Variants in SPG11 observed in about 807,000 individuals in gnomAD.
SPG11 encodes SPG11 vesicle trafficking associated, spatacsin.
Under a neutral mutation model 274.0 loss-of-function variants are expected in SPG11, and 222 were observed. That is an observed-to-expected ratio of 0.81 (90% CI 0.73 to 0.91). The LOEUF (loss-of-function observed/expected upper bound fraction) is 0.91. Ranked by LOEUF, SPG11 falls within the 40% of genes least tolerant of loss-of-function variation. The pLI, the probability that SPG11 is intolerant of heterozygous loss-of-function variation, is 0.00. For missense variants in SPG11, 3,114 were observed against 2,872.7 expected (o/e 1.08, Z -1.92); for synonymous variants, 1,144 against 1,039.7 (o/e 1.10, Z -1.93).
chr15:44,600,889 C>G (rs1360100455), intron 20 of SPG11, among the ~76,000 whole-genome samples: 1 of 152,190 alleles, frequency 6.6e-6, no homozygotes, highest in Non-Finnish European at 1.5e-5. Context: ...TACGGTGGCT[C>G]ACGCCTGTAA....
In SPG11 at chr15:44,618,336, G is replaced by A. The variant is rs548864789; in HGVS notation, c.2834+1854C>T. Among the ~76,000 whole-genome samples the A allele has an allele frequency of 4.6e-3, 644 of 139,926 alleles. 4 individuals carry two copies. The highest frequency in any genetic ancestry group is 0.016 in the African/African-American group (618 of 37,592). 91.8% of individuals were successfully genotyped at this position (139,926 alleles called of 152,430 possible). A position where few individuals can be genotyped will look rare whatever the true frequency, so the allele number is the denominator to read the frequency against. On this transcript the variant is annotated intron_variant, in intron 15 of 39. Transcript: ENST00000261866. ...AATCTGGCTAACATGGTGAAACCTCGTCTCTACTAAAAATACAAAAGAAAA... is the reference window on the plus strand; with the variant it reads ...AATCTGGCTAACATGGTGAAACCTCATCTCTACTAAAAATACAAAAGAAAA...
Position 44,606,098 on chromosome 15 carries a change from A to C in SPG11, c.3454-7T>G. ...GATCAAAGGGTGATAATGACTGAAAAAGGGGAAAAGTTAAACAGAATTAGA... is the reference window on the plus strand; with the variant it reads ...GATCAAAGGGTGATAATGACTGAAACAGGGGAAAAGTTAAACAGAATTAGA... On this transcript the variant is annotated splice_polypyrimidine_tract_variant and splice_region_variant and intron_variant, in intron 19 of 39. Transcript: ENST00000261866. The C allele has an allele frequency of 1.2e-6, 2 of 1,613,364 alleles. No individual in the cohort carries two copies. The highest frequency in any genetic ancestry group is 1.7e-6 in the Non-Finnish European group (2 of 1,179,510).
intron 11 of SPG11, among the ~76,000 whole-genome samples, chr15:44,623,124 T>G (rs560408039): frequency 6.6e-6 from 1 of 152,112 alleles, no homozygotes; most frequent in East Asian, 1.9e-4. Context: ...AATTTTTGTA[T>G]TTTTTGTAGA....
intron 28 of SPG11, among the ~76,000 whole-genome samples, chr15:44,587,588 G>A (rs1305927234): frequency 6.6e-6 from 1 of 150,656 alleles, no homozygotes; most frequent in Non-Finnish European, 1.5e-5. Flanking sequence ...TATTCAGGAG[G>A]TTGAGGTGGG....
At chr15:44,634,567 A>G (rs1358580186) in intron 7 of SPG11, among the ~76,000 whole-genome samples, 1 of 151,980 alleles carries the variant, frequency 6.6e-6, no homozygotes, top group African/African-American at 2.4e-5. Context: ...TACAGGCATG[A>G]GCCACTGCGC....
chr15:44,598,743 C>A lies in SPG11; in HGVS notation c.3780G>T (p.Leu1260Phe). The A allele has an allele frequency of 6.2e-7, 1 of 1,614,158 alleles. No homozygotes were observed. Among genetic ancestry groups the A allele is most frequent in the Non-Finnish European group, 8.5e-7 (1 of 1,180,028 alleles). ...IGAACVCFLE[L>F]LGLDSLKLRV... Reference sequence around the variant, plus strand: ...TGAGCTTGAGGCTGTCAAGGCCAAGCAATTCTAAGAAACAAACACATGCAG... The same window carrying A: ...TGAGCTTGAGGCTGTCAAGGCCAAGAAATTCTAAGAAACAAACACATGCAG... Residue 1260 changes from leucine (L) to phenylalanine (F), a missense_variant, in exon 22 of 40, where the codon TTG becomes TTT. Coordinates refer to ENST00000261866, the MANE Select transcript of SPG11 (RefSeq NM_025137.4).
At chr15:44,613,278 T>C in intron 17 of SPG11, 152 bp downstream of exon 17, 2 of 632,698 alleles carry the variant, frequency 3.2e-6, no homozygotes, top group South Asian at 3.6e-5. Flanking sequence ...GCCTTCCTTC[T>C]GCTTCTTACC....
chr15:44,605,975 G>A, intron 20 of SPG11, 50 bp downstream of exon 20: 1 of 1,449,644 alleles, frequency 6.9e-7, no homozygotes, highest in Non-Finnish European at 9.7e-7. Context: ...ATTAACTTCT[G>A]TAGTTAACAC....
Position 44,596,340 on chromosome 15 carries a change from G to A in SPG11, c.4177C>T (p.Gln1393Ter). ...TCTTGAATGACTGGGCTGAAGTACT[G>A]GATAAGGGATTTCACCTAGAAGGCA... The part of the protein sequence containing the change: ...YHPAEVKSLI[Q>*]YFSPVIQDHL... The change falls in exon 25 of 40, where the codon CAG becomes TAG. Residue 1393 changes from glutamine (Q) to a stop codon, truncating the protein, a stop_gained. Coordinates refer to ENST00000261866, the MANE Select transcript of SPG11 (RefSeq NM_025137.4). LOFTEE classifies it high-confidence loss of function. 6.2e-7 allele frequency: 1 copy of A among 1,614,092 alleles called. No individual in the cohort carries two copies. The highest frequency in any genetic ancestry group is 8.5e-7 in the Non-Finnish European group (1 of 1,180,022).
chr15:44,589,337 C>T lies in SPG11; in HGVS notation c.4821G>A (p.Lys1607=). Reference sequence around the variant, plus strand: ...GGGTCTTACACTGCTGTAGCATAAGCTTCAAAAGGAAACACACCTGATCCT... The same window carrying T: ...GGGTCTTACACTGCTGTAGCATAAGTTTCAAAAGGAAACACACCTGATCCT... ...WLEDQVCFLL[K]LMLQQCKTQY... is the part of the protein sequence containing the mutation. The change falls in exon 28 of 40, where the codon AAG becomes AAA. Residue 1607 remains lysine (K), a synonymous_variant. Transcript: ENST00000261866. The T allele has an allele frequency of 6.2e-7, 1 of 1,614,154 alleles. No homozygotes were observed. Among genetic ancestry groups the T allele is most frequent in the Non-Finnish European group, 8.5e-7 (1 of 1,179,996 alleles).
intron 20 of SPG11, 63 bp downstream of exon 20, chr15:44,605,962 T>C (rs1233243970): frequency 2.3e-6 from 3 of 1,302,338 alleles, no homozygotes; most frequent in Non-Finnish European, 3.3e-6. Flanking sequence ...TGGCATTACA[T>C]GTATTAACTT....
In SPG11 at chr15:44,600,597, C is replaced by G; in HGVS notation, c.3556G>C (p.Asp1186His). The change falls in exon 21 of 40, where the codon GAC becomes CAC. Residue 1186 changes from aspartate (D) to histidine (H), a missense_variant. Coordinates refer to ENST00000261866, the MANE Select transcript of SPG11 (RefSeq NM_025137.4). ...ACTATAGCATATTTATTAACCAGGT[C>G]AGGGCTAGAGAAATGTGGGAGATGA... ...WSHLPHFSSP[D>H]LVNKYAIVER... The G allele has an allele frequency of 6.2e-7, 1 of 1,614,092 alleles. No homozygotes were observed. Among genetic ancestry groups the G allele is most frequent in the African/African-American group, 1.3e-5 (1 of 75,002 alleles).
chr15:44,650,034 T>A (rs183763649), intron 6 of SPG11, among the ~76,000 whole-genome samples: 1 of 152,052 alleles, frequency 6.6e-6, no homozygotes, highest in Admixed American at 6.5e-5. Context: ...TCCTGACACA[T>A]AGAAATACAT....
In SPG11 at chr15:44,573,535, G is replaced by A; in HGVS notation, c.6205+12C>T. 2 of 1,614,152 alleles carry A rather than the reference G, an allele frequency of 1.2e-6. No individual in the cohort carries two copies. On this transcript the variant is annotated intron_variant, in intron 32 of 39. Coordinates refer to ENST00000261866, the MANE Select transcript of SPG11 (RefSeq NM_025137.4). Reference sequence around the variant, plus strand: ...TGTCAGAGAGGTTGGGAATCCCCGGGGGGTAGGGCACCTGTTCCCTGTGAT... The same window carrying A: ...TGTCAGAGAGGTTGGGAATCCCCGGAGGGTAGGGCACCTGTTCCCTGTGAT...
chr15:44,596,371 G>C lies in SPG11; in HGVS notation c.4162-16C>G, dbSNP rs2083039497. On this transcript the variant is annotated splice_polypyrimidine_tract_variant and intron_variant, in intron 24 of 39. Transcript: ENST00000261866. ...GGGATTTCACCTAGAAGGCATATCAGATGATTAAACAGAAACCCAACTTTC... is the reference window on the plus strand; with the variant it reads ...GGGATTTCACCTAGAAGGCATATCACATGATTAAACAGAAACCCAACTTTC... The C allele has an allele frequency of 6.2e-7, 1 of 1,613,758 alleles. No homozygotes were observed. Among genetic ancestry groups the C allele is most frequent in the African/African-American group, 1.3e-5 (1 of 74,910 alleles).
At chr15:44,659,055 C>T (rs987158729) in intron 3 of SPG11, 24 bp downstream of exon 3, 42 of 1,607,674 alleles carry the variant, frequency 2.6e-5, no homozygotes, top group Non-Finnish European at 3.4e-5. Context: ...ACGTATCAAT[C>T]AACACTTCTA....
At chr15:44,655,981 T>A (rs1338923848) in intron 4 of SPG11, among the ~76,000 whole-genome samples, 1 of 152,032 alleles carries the variant, frequency 6.6e-6, no homozygotes, top group African/African-American at 2.4e-5. Flanking sequence ...TGGGAGAAAC[T>A]GTAACTGTGG....
At chr15:44,634,437 G>A (rs1223027673) in intron 7 of SPG11, among the ~76,000 whole-genome samples, 1 of 150,038 alleles carries the variant, frequency 6.7e-6, no homozygotes, top group Non-Finnish European at 1.5e-5. Flanking sequence ...ACCACACCCA[G>A]CTGATTTTTT....
At chr15:44,587,288 A>G (rs1365053578) in intron 28 of SPG11, among the ~76,000 whole-genome samples, 1 of 152,220 alleles carries the variant, frequency 6.6e-6, no homozygotes, top group Non-Finnish European at 1.5e-5. Context: ...CATGAGAAAC[A>G]TTCCACAGGA....
Sources: gnomAD v4.1 joint callset for allele counts (sites outside exome capture counted in the v4.1 genomes callset) on GRCh38, gnomAD v4.1.1 for gene constraint, MANE v1.5 for transcripts, NCBI Gene and HGNC (gene_info 2026-07-23, HGNC 2026-07-21) for gene names.